The following HNRNPR variants were observed in gnomAD, a reference collection of about 807,000 sequenced individuals.
HNRNPR encodes heterogeneous nuclear ribonucleoprotein R.
Under a neutral mutation model 70.3 loss-of-function variants are expected in HNRNPR, and 4 were observed. That is an observed-to-expected ratio of 0.06 (90% CI 0.03 to 0.13). The LOEUF (loss-of-function observed/expected upper bound fraction) is 0.13, where lower values mean the gene tolerates loss of function less well. Among genes scored for constraint, HNRNPR ranks in the 10% least tolerant of loss-of-function variants. The pLI, the probability that HNRNPR is intolerant of heterozygous loss-of-function variation, is 1.00. For missense variants in HNRNPR, 423 were observed against 788.5 expected (o/e 0.54, Z 5.55); for synonymous variants, 241 against 267.6 (o/e 0.90, Z 0.97).
chr1:23,319,879 A>G (rs1187647188), intron 7 of HNRNPR, among the ~76,000 whole-genome samples: 1 of 152,152 alleles, frequency 6.6e-6, no homozygotes, highest in Admixed American at 6.5e-5. Context: ...TGCTCTTTGT[A>G]TGCTACAACC....
intron 2 of HNRNPR, among the ~76,000 whole-genome samples, chr1:23,340,437 C>T (rs900811910): frequency 1.3e-5 from 2 of 152,086 alleles, no homozygotes; most frequent in African/African-American, 4.8e-5. Context: ...TGGTTTCAGA[C>T]GATACAGCTA....
chr1:23,342,308 G>C (rs1018918358), intron 1 of HNRNPR, among the ~76,000 whole-genome samples: 1 of 152,186 alleles, frequency 6.6e-6, no homozygotes, highest in Non-Finnish European at 1.5e-5. Flanking sequence ...ACGAAAGAGG[G>C]AGGAAGACCA....
At chr1:23,333,068 G>A (rs1646307749) in intron 5 of HNRNPR, among the ~76,000 whole-genome samples, 1 of 152,070 alleles carries the variant, frequency 6.6e-6, no homozygotes, top group Non-Finnish European at 1.5e-5. Flanking sequence ...TGTAATCCCA[G>A]CTACTCAGGA....
chr1:23,343,109 A>G (rs369530258), intron 1 of HNRNPR, among the ~76,000 whole-genome samples: 8 of 152,342 alleles, frequency 5.3e-5, no homozygotes, highest in African/African-American at 1.9e-4. Context: ...GTGGCATTCA[A>G]CACAATGCCA....
At chr1:23,340,451 T>C (rs1052346099) in intron 2 of HNRNPR, among the ~76,000 whole-genome samples, 1 of 152,188 alleles carries the variant, frequency 6.6e-6, no homozygotes, top group Non-Finnish European at 1.5e-5. Flanking sequence ...ACAGCTATCC[T>C]CTTGTTATGC....
chr1:23,329,297 A>G (rs942975891), intron 5 of HNRNPR, among the ~76,000 whole-genome samples: 20 of 152,226 alleles, frequency 1.3e-4, no homozygotes, highest in African/African-American at 4.6e-4. Flanking sequence ...AAAGAATTTA[A>G]AAGGCTAAAG....
chr1:23,323,880 A>G (rs1385165787), intron 5 of HNRNPR, 148 bp from the exon 6 acceptor site: 3 of 662,694 alleles, frequency 4.5e-6, no homozygotes, highest in Non-Finnish European at 7.9e-6. Flanking sequence ...TGACTTGCAG[A>G]GCTAATCCTA....
At chr1:23,324,992 T>C (rs775641633) in intron 5 of HNRNPR, among the ~76,000 whole-genome samples, 48 of 151,576 alleles carry the variant, frequency 3.2e-4, no homozygotes, top group Admixed American at 5.9e-4. Flanking sequence ...TACAAAAAAT[T>C]AGCCGGGCGT....
At chr1:23,327,027 G>A (rs369158347) in intron 5 of HNRNPR, among the ~76,000 whole-genome samples, 3 of 152,152 alleles carry the variant, frequency 2.0e-5, no homozygotes, top group South Asian at 2.1e-4. Context: ...GATTGCCCCC[G>A]TCTACCTTTA....
intron 1 of HNRNPR, among the ~76,000 whole-genome samples, chr1:23,343,503 G>A (rs1646782417): frequency 6.6e-6 from 1 of 152,154 alleles, no homozygotes; most frequent in South Asian, 2.1e-4. Flanking sequence ...TGGCAATACG[G>A]CCACTACCGT....
At chr1:23,320,282 A>G (rs1256093510) in intron 7 of HNRNPR, among the ~76,000 whole-genome samples, 1 of 152,236 alleles carries the variant, frequency 6.6e-6, no homozygotes, top group Non-Finnish European at 1.5e-5. Context: ...ATACTTGACA[A>G]CACAATATAG....
At chr1:23,328,482 G>C (rs989147762) in intron 5 of HNRNPR, among the ~76,000 whole-genome samples, 2 of 152,096 alleles carry the variant, frequency 1.3e-5, no homozygotes, top group Non-Finnish European at 2.9e-5. Flanking sequence ...CCTTGAGCAA[G>C]TTTCGTTTTT....
At chr1:23,321,175 A>AAGAAAAAT in intron 7 of HNRNPR, among the ~76,000 whole-genome samples, 1 of 151,546 alleles carries the variant, frequency 6.6e-6, no homozygotes, top group Non-Finnish European at 1.5e-5. Flanking sequence ...AAAAAAAAAA[A>AAGAAAAAT]AATCTGATCT....
At chr1:23,312,116 T>A (rs887986564) in intron 9 of HNRNPR, among the ~76,000 whole-genome samples, 6 of 152,142 alleles carry the variant, frequency 3.9e-5, no homozygotes, top group Non-Finnish European at 8.8e-5. Context: ...CTTTCCCCAC[T>A]CTGGGCACAC....
chr1:23,318,785 AG>A lies in HNRNPR; in HGVS notation c.812-98del. On this transcript the variant is annotated intron_variant, in intron 7 of 10. Coordinates refer to ENST00000302271, the MANE Select transcript of HNRNPR (RefSeq NM_005826.5). The surrounding 1 kb of genome is among the most constrained non-coding windows in gnomAD (Gnocchi z 4.2). ...TCCACTTGACGATGAGCAAAATATA[AG>A]TGAAGCAGCCTCAACATGAGTCACT... 9.0e-7 allele frequency: 1 copy of A among 1,110,594 alleles called. No individual in the cohort carries two copies. The highest frequency in any genetic ancestry group is 1.6e-5 in the African/African-American group (1 of 64,472). 68.8% of individuals were successfully genotyped at this position (1,110,594 alleles called of 1,614,324 possible).
At chr1:23,311,388 A>T (rs1645331746) in intron 9 of HNRNPR, 66 bp from the exon 10 acceptor site, 2 of 1,043,220 alleles carry the variant, frequency 1.9e-6, no homozygotes, top group African/African-American at 1.6e-5. Context: ...TATAGTATGT[A>T]AGCTATTATA....
chr1:23,309,176 A>G lies in HNRNPR; in HGVS notation c.*1278T>C, dbSNP rs1272068532. 6.6e-6 allele frequency: 1 copy of G among 152,132 alleles called. No homozygotes were observed. Among genetic ancestry groups the G allele is most frequent in the Non-Finnish European group, 1.5e-5 (1 of 67,958 alleles). 9.4% of individuals were successfully genotyped at this position (152,132 alleles called of 1,614,324 possible). On this transcript the variant is annotated 3_prime_UTR_variant, in exon 11 of 11. Transcript: ENST00000302271. ...TAAACGAAGTGTTAACAGAAAGTCA[A>G]AGGTATTACTACTGGATATTTTTAA... is the stretch of plus-strand genomic sequence containing the variant.
chr1:23,311,958 A>T (rs2148312524), intron 9 of HNRNPR: 1 of 152,438 alleles, frequency 6.6e-6, no homozygotes, highest in South Asian at 2.1e-4. Flanking sequence ...TCAAGCAATT[A>T]TGTAGAAAGC....
Position 23,318,862 on chromosome 1 carries a change from T to C in HNRNPR, c.812-174A>G, listed in dbSNP as rs1442713232. Among the ~76,000 whole-genome samples, 1 of 152,196 alleles carries C rather than the reference T, an allele frequency of 6.6e-6. No individual in the cohort carries two copies. The highest frequency in any genetic ancestry group is 2.4e-5 in the African/African-American group (1 of 41,454). ...TAATTAGATATGGGGTTTGGGACAG[T>C]ATTTGATGTTCCTTTTTAATTTTAG... is the stretch of plus-strand genomic sequence containing the variant. On this transcript the variant is annotated intron_variant, in intron 7 of 10. Transcript: ENST00000302271. The surrounding 1 kb of genome is among the most constrained non-coding windows in gnomAD (Gnocchi z 4.2).
Sources: gnomAD v4.1 joint callset for allele counts (sites outside exome capture counted in the v4.1 genomes callset) on GRCh38, gnomAD v4.1.1 for gene constraint, Gnocchi (gnomAD v3.1) non-coding constraint, MANE v1.5 for transcripts, NCBI Gene and HGNC (gene_info 2026-07-23, HGNC 2026-07-21) for gene names.